GTF3C4: variants seen among roughly 807,000 people sequenced by gnomAD.
GTF3C4 encodes the protein general transcription factor IIIC subunit 4.
A neutral mutation model predicts 67.5 loss-of-function variants in GTF3C4; 28 were observed. The ratio of observed to expected loss-of-function variants is 0.41; its 90% CI spans 0.31 to 0.57. GTF3C4 has a LOEUF of 0.57. Among genes scored for constraint, GTF3C4 ranks in the 20% least tolerant of loss-of-function variants. The probability of loss-of-function intolerance (pLI) is 0.21; values close to 1 mark genes in which losing one functional copy is unlikely to be tolerated. For missense variants in GTF3C4, 831 were observed against 1,033.2 expected (o/e 0.80, Z 2.68); for synonymous variants, 409 against 393.0 (o/e 1.04, Z -0.48).
At chr9:132,671,000 C>A in intron 1 of GTF3C4, 45 bp downstream of exon 1, 1 of 1,326,228 alleles carries the variant, frequency 7.5e-7, no homozygotes, top group Non-Finnish European at 1.1e-6. Context: ...CTGTCCCCCT[C>A]TCGCGGCCGC....
Position 132,679,384 on chromosome 9 carries a change from C to T in GTF3C4, c.1765C>T (p.Gln589Ter). ...CCTGAGGATTTTATATCAGTCAATGCAGAAAACCCCTTCAGAAGCCTTGTG... is the reference window on the plus strand; with the variant it reads ...CCTGAGGATTTTATATCAGTCAATGTAGAAAACCCCTTCAGAAGCCTTGTG... ...FLLRILYQSM[Q>*]KTPSEALWKP... is the part of the protein sequence containing the mutation. Residue 589 changes from glutamine (Q) to a stop codon, truncating the protein, a stop_gained, in exon 2 of 5, where the codon CAG (glutamine) becomes TAG (stop). Transcript: ENST00000372146. LOFTEE classifies it high-confidence loss of function. This position sits in a 1 kb window ranked among gnomAD's most constrained non-coding sequence, Gnocchi z 5.9. 6.2e-7 allele frequency: 1 copy of T among 1,614,116 alleles called. No homozygotes were observed. Among genetic ancestry groups the T allele is most frequent in the Non-Finnish European group, 8.5e-7 (1 of 1,180,008 alleles).
rs1202201106 is a variant in GTF3C4, at chr9:132,691,926, T to C, written c.*2981T>C. The C allele has an allele frequency of 6.6e-6, 1 of 152,230 alleles. No homozygotes were observed. Among genetic ancestry groups the C allele is most frequent in the Non-Finnish European group, 1.5e-5 (1 of 68,040 alleles). 9.4% of individuals were successfully genotyped at this position (152,230 alleles called of 1,614,324 possible). ...ATATTAAAAGGCAATAATTAAATAT[T>C]TCAATTATTTTGTAATTATAATGGT... On this transcript the variant is annotated 3_prime_UTR_variant, in exon 5 of 5. Coordinates refer to ENST00000372146, the MANE Select transcript of GTF3C4 (RefSeq NM_012204.4).
In GTF3C4 at chr9:132,670,949, C is replaced by T; in HGVS notation, c.351C>T (p.Leu117=). 2 of 1,607,092 alleles carry T rather than the reference C, an allele frequency of 1.2e-6. No homozygotes were observed. The highest frequency in any genetic ancestry group is 1.7e-6 in the Non-Finnish European group (2 of 1,175,232). Residue 117 remains leucine, a synonymous_variant, in exon 1 of 5, where the codon CTC becomes CTT. Coordinates refer to ENST00000372146, the MANE Select transcript of GTF3C4 (RefSeq NM_012204.4). ...TGCCCGCACCGCTCAACAGCTGTCT[C>T]CTCAAAGTAAGTCATCCCCCGCCAT... The part of the protein sequence containing the change: ...TSVPAPLNSC[L]LKVGSKTEVA...
chr9:132,677,188 G>A (rs948165273), intron 1 of GTF3C4, among the ~76,000 whole-genome samples: 1 of 152,236 alleles, frequency 6.6e-6, no homozygotes, highest in Middle Eastern at 3.4e-3. Context: ...GATCACTTGA[G>A]GTCAGGAGTT....
At position 132,678,039 on chromosome 9, in the gene GTF3C4, G is replaced by A. The variant is rs771893222; in HGVS notation, c.420G>A (p.Thr140=). The change falls in exon 2 of 5, where the codon ACG becomes ACA. Residue 140 remains threonine (T), a synonymous_variant. Transcript: ENST00000372146. The surrounding 1 kb of genome is among the most constrained non-coding windows in gnomAD (Gnocchi z 6.5). ...AATTCGCCGCCTCCAAGGACCCCAC[G>A]GTCAGTCAGACTTTCATGTTGGATA... The part of the protein sequence containing the change: ...KEKFAASKDP[T]VSQTFMLDRV... The A allele has an allele frequency of 3.7e-5, 59 of 1,613,988 alleles. 1 individual carries two copies. The highest frequency in any genetic ancestry group is 3.2e-4 in the Admixed American group (19 of 59,990).
rs750137062 is a variant in GTF3C4, at chr9:132,691,814, C to T, written c.*2869C>T. 10 of 152,236 alleles carry T rather than the reference C, an allele frequency of 6.6e-5. No individual in the cohort carries two copies. The highest frequency in any genetic ancestry group is 6.8e-3 in the Middle Eastern group (2 of 294). 9.4% of individuals were successfully genotyped at this position (152,236 alleles called of 1,614,324 possible). On this transcript the variant is annotated 3_prime_UTR_variant, in exon 5 of 5. Transcript: ENST00000372146. Reference sequence around the variant, plus strand: ...TGAATATGACATTTTTCTGCTTTTCCCTCTAAGAAGTTTTTGAGAATGTTA... The same window carrying T: ...TGAATATGACATTTTTCTGCTTTTCTCTCTAAGAAGTTTTTGAGAATGTTA...
At chr9:132,670,373 C>T (rs1167238638), upstream of GTF3C4, 30 of 1,247,924 alleles carry the variant, frequency 2.4e-5, no homozygotes, top group Middle Eastern at 2.7e-4. Flanking sequence ...AAAGGGGGTC[C>T]TCGGGGCTCC....
intron 1 of GTF3C4, among the ~76,000 whole-genome samples, chr9:132,673,171 A>G (rs1835812725): frequency 6.6e-6 from 1 of 152,200 alleles, no homozygotes; most frequent in Non-Finnish European, 1.5e-5. Flanking sequence ...CGACAGAGCC[A>G]GACTCCGTCT....
At chr9:132,685,337 T>A (rs1231150897) in intron 3 of GTF3C4, among the ~76,000 whole-genome samples, 1 of 152,120 alleles carries the variant, frequency 6.6e-6, no homozygotes, top group Non-Finnish European at 1.5e-5. Context: ...TTAACAAGAT[T>A]GTGCTACACG....
In GTF3C4 at chr9:132,679,780, G is replaced by C. The variant is rs1430165350; in HGVS notation, c.2161G>C (p.Glu721Gln). Reference sequence around the variant, plus strand: ...CTGTAACTTTTTAATGTCTGATGAAGAGTATGATGACAGAACTGCACGGGT... The same window carrying C: ...CTGTAACTTTTTAATGTCTGATGAACAGTATGATGACAGAACTGCACGGGT... Reference protein sequence around the residue: ...GLCNFLMSDEEYDDRTARVLI... With the variant: ...GLCNFLMSDEQYDDRTARVLI... Residue 721 changes from glutamate (E) to glutamine (Q), a missense_variant, in exon 2 of 5, where the codon GAG (glutamate) becomes CAG (glutamine). Glu to Gln is a conservative substitution (Grantham distance 29, BLOSUM62 2). This residue lies in a region of GTF3C4 where 129 missense variants were observed against 213.8 expected (regional missense o/e 0.60). Transcript: ENST00000372146. The surrounding 1 kb of genome is among the most constrained non-coding windows in gnomAD (Gnocchi z 5.9). The C allele has an allele frequency of 6.2e-7, 1 of 1,610,434 alleles. No homozygotes were observed. The highest frequency in any genetic ancestry group is 8.5e-7 in the Non-Finnish European group (1 of 1,177,114).
At chr9:132,686,723 T>C (rs1836034901) in intron 3 of GTF3C4, among the ~76,000 whole-genome samples, 1 of 152,180 alleles carries the variant, frequency 6.6e-6, no homozygotes, top group African/African-American at 2.4e-5. Flanking sequence ...GTCAGAGTCT[T>C]AAAGACACTT....
Position 132,678,691 on chromosome 9 carries a change from C to T in GTF3C4, c.1072C>T (p.Gln358Ter). ...AGTCAAAGGCTATTTCACTTTAAGGCAGCCTGTTATCTTGTGGAAAGAAAT... is the reference window on the plus strand; with the variant it reads ...AGTCAAAGGCTATTTCACTTTAAGGTAGCCTGTTATCTTGTGGAAAGAAAT... ...KAVKGYFTLR[Q>*]PVILWKEMDQ... Residue 358 changes from glutamine to a stop codon, truncating the protein, a stop_gained, in exon 2 of 5, where the codon CAG becomes TAG. Transcript: ENST00000372146. LOFTEE classifies it high-confidence loss of function. The surrounding 1 kb of genome is among the most constrained non-coding windows in gnomAD (Gnocchi z 6.5). The T allele has an allele frequency of 6.2e-7, 1 of 1,614,138 alleles. No individual in the cohort carries two copies. Among genetic ancestry groups the T allele is most frequent in the Non-Finnish European group, 8.5e-7 (1 of 1,179,952 alleles).
rs1359671198 is a variant in GTF3C4 at position 132,679,519 on chromosome 9, C to G, written c.1900C>G (p.Gln634Glu). The G allele has an allele frequency of 6.2e-7, 1 of 1,614,124 alleles. No individual in the cohort carries two copies. Among genetic ancestry groups the G allele is most frequent in the East Asian group, 2.2e-5 (1 of 44,872 alleles). Reference sequence around the variant, plus strand: ...CACTTCTTCCAAACAGGTGGTGAAGCAAGGCCTGCAGGAGAGGAGCAAGGA... The same window carrying G: ...CACTTCTTCCAAACAGGTGGTGAAGGAAGGCCTGCAGGAGAGGAGCAAGGA... ...EGTSSKQVVK[Q>E]GLQERSKEGD... The change falls in exon 2 of 5, where the codon CAA becomes GAA. Residue 634 changes from glutamine to glutamate, a missense_variant. Physicochemically the swap from Gln to Glu is conservative, Grantham distance 29 (BLOSUM62 2). This residue lies in a region of GTF3C4 where 75 missense variants were observed against 66.4 expected (regional missense o/e 1.13). Transcript: ENST00000372146. This position sits in a 1 kb window ranked among gnomAD's most constrained non-coding sequence, Gnocchi z 5.9.
rs72145516 is a variant in GTF3C4, at chr9:132,675,895, C to CTTTTTT, written c.358-2066_358-2061dup. ...ATAAGAATAGACTATTCCAGTTACC[C>CTTTTTT]TTTTTTTTTTTTTTTTTTTTTGAGA... On this transcript the variant is annotated intron_variant, in intron 1 of 4. Coordinates refer to ENST00000372146, the MANE Select transcript of GTF3C4 (RefSeq NM_012204.4). 2.0e-3 allele frequency among the ~76,000 whole-genome samples: 178 copies of CTTTTTT among 89,028 alleles called. 9 individuals are homozygous for CTTTTTT. Among genetic ancestry groups the CTTTTTT allele is most frequent in the Admixed American group, 2.5e-3 (15 of 6,112 alleles). The allele number at this position is 89,028 out of a possible 152,430, so 58.4% of individuals were successfully genotyped here.
intron 3 of GTF3C4, among the ~76,000 whole-genome samples, chr9:132,683,913 G>C (rs1199017613): frequency 1.3e-5 from 2 of 152,130 alleles, no homozygotes; most frequent in Non-Finnish European, 2.9e-5. Flanking sequence ...TAATATATAG[G>C]AGTTTTCTTG....
Position 132,670,932 on chromosome 9 carries a change from C to A in GTF3C4, c.334C>A (p.Pro112Thr). ...TATCCACCGCACCTCGGTGCCCGCA[C>A]CGCTCAACAGCTGTCTCCTCAAAGT... is the stretch of plus-strand genomic sequence containing the variant. ...LVIHRTSVPA[P>T]LNSCLLKVGS... Residue 112 changes from proline to threonine, a missense_variant, in exon 1 of 5, where the codon CCG (proline) becomes ACG (threonine). Pro to Thr is a conservative substitution (Grantham distance 38). Coordinates refer to ENST00000372146, the MANE Select transcript of GTF3C4 (RefSeq NM_012204.4). The A allele has an allele frequency of 1.2e-6, 2 of 1,611,554 alleles. No individual in the cohort carries two copies. The highest frequency in any genetic ancestry group is 1.7e-6 in the Non-Finnish European group (2 of 1,179,008).
chr9:132,683,497 T>C, intron 2 of GTF3C4, 66 bp from the exon 3 acceptor site: 1 of 1,400,764 alleles, frequency 7.1e-7, no homozygotes, highest in Non-Finnish European at 9.8e-7. Context: ...CCTTTGTGTT[T>C]GTAGGCTTTT....
rs574537657 is a variant in GTF3C4, at chr9:132,694,507, A to G, written c.*5562A>G. 3.3e-5 allele frequency: 5 copies of G among 152,336 alleles called. No individual in the cohort carries two copies. Among genetic ancestry groups the G allele is most frequent in the South Asian group, 2.1e-4 (1 of 4,826 alleles). 9.4% of individuals were successfully genotyped at this position (152,336 alleles called of 1,614,324 possible). A position where few individuals can be genotyped will look rare whatever the true frequency, so the allele number is the denominator to read the frequency against. On this transcript the variant is annotated 3_prime_UTR_variant, in exon 5 of 5. Coordinates refer to ENST00000372146, the MANE Select transcript of GTF3C4 (RefSeq NM_012204.4). ...TTAACCTTCTTTTCCTGAAGATTAC[A>G]TATCAGTGTCCTGCGTTTTTATCTA...
chr9:132,682,823 C>G (rs1322322803), intron 2 of GTF3C4, among the ~76,000 whole-genome samples: 1 of 151,990 alleles, frequency 6.6e-6, no homozygotes, highest in African/African-American at 2.4e-5. Flanking sequence ...CACCTGGTCT[C>G]GAACTCCTGA....
Sources: gnomAD v4.1 joint callset for allele counts (sites outside exome capture counted in the v4.1 genomes callset) on GRCh38, gnomAD v4.1.1 for gene constraint, gnomAD v4.1.1 regional missense constraint, Gnocchi (gnomAD v3.1) non-coding constraint, MANE v1.5 for transcripts, NCBI Gene and HGNC (gene_info 2026-07-23, HGNC 2026-07-21) for gene names.